The following MYOM1 variants were observed in gnomAD, a reference collection of about 807,000 sequenced individuals.
MYOM1 encodes myomesin-1.
A neutral mutation model predicts 205.3 loss-of-function variants in MYOM1; 164 were observed. That is an observed-to-expected ratio of 0.80 (90% CI 0.70 to 0.91). The LOEUF is 0.91. Ranked by LOEUF, MYOM1 falls within the 40% of genes least tolerant of loss-of-function variation. The pLI is 0.00. For missense variants in MYOM1, 2,011 were observed against 2,127.3 expected (o/e 0.95, Z 1.08); for synonymous variants, 772 against 789.4 (o/e 0.98, Z 0.37).
intron 3 of MYOM1, among the ~76,000 whole-genome samples, chr18:3,193,382 A>AC (rs2080947138): frequency 9.3e-6 from 1 of 107,224 alleles, no homozygotes; most frequent in Non-Finnish European, 2.4e-5. Flanking sequence ...ACACACACAC[A>AC]ATAATAAAAA....
rs775600000 is a variant in MYOM1 at position 3,100,141 on chromosome 18, T to C, written c.3727+18A>G. The stretch of plus-strand genomic sequence containing the variant: ...AGTAAGACTGCTAAAAACCTGTGAA[T>C]GTATTGTGGATACTTACTTGGGAAC... On this transcript the variant is annotated intron_variant, in intron 25 of 37. Transcript: ENST00000356443. The C allele has an allele frequency of 1.9e-6, 3 of 1,613,518 alleles. No individual in the cohort carries two copies. Among genetic ancestry groups the C allele is most frequent in the Non-Finnish European group, 1.7e-6 (2 of 1,179,776 alleles).
intron 9 of MYOM1, among the ~76,000 whole-genome samples, chr18:3,166,828 G>A (rs11661575): frequency 0.24 from 35,972 of 151,936 alleles, 4,694 homozygotes; most frequent in African/African-American, 0.35. Flanking sequence ...AAATTATATG[G>A]TAATCTTACT....
At chr18:3,201,180 C>G (rs1160176908) in intron 2 of MYOM1, among the ~76,000 whole-genome samples, 1 of 152,164 alleles carries the variant, frequency 6.6e-6, no homozygotes, top group Non-Finnish European at 1.5e-5. Context: ...GGGTGCATCA[C>G]TTGAGGTCAG....
chr18:3,228,603 T>A, the MYOM1 span, among the ~76,000 whole-genome samples: 4 of 152,146 alleles, frequency 2.6e-5, no homozygotes, highest in Non-Finnish European at 5.9e-5. The surrounding 1 kb of genome is among the most constrained non-coding windows in gnomAD (Gnocchi z 4.5). Context: ...TTTTAACAGT[T>A]TATAGCAATA....
rs184532387 is a variant in MYOM1, at chr18:3,090,940, G to C, written c.3865-138C>G. On this transcript the variant is annotated intron_variant, in intron 26 of 37. Transcript: ENST00000356443. ...TTCATGCCTGTAATCCCAGTACTTT[G>C]GGAGGTCGAGGTGGGAGGATTACTT... is the stretch of plus-strand genomic sequence containing the variant. 1.2e-5 allele frequency: 13 copies of C among 1,075,760 alleles called. No individual in the cohort carries two copies. The Admixed American group carries it at 2.9e-4, about 24-fold the overall frequency. The allele number at this position is 1,075,760 out of a possible 1,614,324, so 66.6% of individuals were successfully genotyped here. A position where few individuals can be genotyped will look rare whatever the true frequency, so the allele number is the denominator to read the frequency against.
chr18:3,135,687 A>G lies in MYOM1; in HGVS notation c.2069T>C (p.Leu690Pro), dbSNP rs533974334. 5.6e-6 allele frequency: 9 copies of G among 1,613,880 alleles called. No individual in the cohort carries two copies. The highest frequency in any genetic ancestry group is 1.1e-5 in the South Asian group (1 of 91,082). Residue 690 changes from leucine (L) to proline (P), a missense_variant, in exon 15 of 38, where the codon CTC (leucine) becomes CCC (proline). By Grantham distance (98) the Leu-to-Pro change is moderately conservative. Coordinates refer to ENST00000356443, the MANE Select transcript of MYOM1 (RefSeq NM_003803.4). The surrounding 1 kb of genome is among the most constrained non-coding windows in gnomAD (Gnocchi z 4.1). The part of the protein sequence containing the change: ...TENWQRVNTE[L>P]PVKSPRFALF... ...AGCAAAGCGGGGAGACTTCACAGGG[A>G]GCTCCGTGTTCACTCGCTGCCAGTT...
chr18:3,102,894 T>A (rs1449736531), intron 22 of MYOM1, among the ~76,000 whole-genome samples: 1 of 152,234 alleles, frequency 6.6e-6, no homozygotes, highest in Non-Finnish European at 1.5e-5. Context: ...GATGGTACAG[T>A]TATGGGAGTG....
the MYOM1 span, among the ~76,000 whole-genome samples, chr18:3,225,310 T>C: frequency 4.1e-4 from 63 of 152,324 alleles, no homozygotes; most frequent in African/African-American, 1.3e-3. Context: ...TATTCTTCAT[T>C]AGTCGCCCAT....
chr18:3,202,726 C>T (rs962187946), intron 2 of MYOM1, among the ~76,000 whole-genome samples: 4 of 152,012 alleles, frequency 2.6e-5, no homozygotes, highest in Non-Finnish European at 5.9e-5. Context: ...CTTCAATATT[C>T]CACTCTCAAT....
chr18:3,145,939 C>T (rs1216743443), intron 13 of MYOM1, among the ~76,000 whole-genome samples: 1 of 151,904 alleles, frequency 6.6e-6, no homozygotes, highest in East Asian at 1.9e-4. Context: ...GGTGACACCA[C>T]TACAGATTCT....
At chr18:3,197,592 G>A (rs1234012803) in intron 2 of MYOM1, among the ~76,000 whole-genome samples, 1 of 152,106 alleles carries the variant, frequency 6.6e-6, no homozygotes, top group Non-Finnish European at 1.5e-5. Flanking sequence ...GAAGTGTTAA[G>A]GCTGGGCGCG....
chr18:3,149,137 CT>C lies in MYOM1; in HGVS notation c.1900+7del, dbSNP rs762135367. 1 of 1,613,424 alleles carries C rather than the reference CT, an allele frequency of 6.2e-7. No individual in the cohort carries two copies. The highest frequency in any genetic ancestry group is 2.2e-5 in the East Asian group (1 of 44,876). The stretch of plus-strand genomic sequence containing the variant: ...AGCAATAGTATCTGGGGCAACCAGA[CT>C]TCTTACCTGAAGGTTCCTCTTCAGT... On this transcript the variant is annotated splice_region_variant and intron_variant, in intron 13 of 37. Transcript: ENST00000356443.
At chr18:3,108,884 C>T (rs1269630745) in intron 22 of MYOM1, among the ~76,000 whole-genome samples, 3 of 152,072 alleles carry the variant, frequency 2.0e-5, no homozygotes, top group Non-Finnish European at 1.5e-5. Context: ...GCTAACCCAC[C>T]AGGTAGTGCC....
intron 2 of MYOM1, among the ~76,000 whole-genome samples, chr18:3,205,983 C>A (rs2081119413): frequency 1.3e-5 from 2 of 151,976 alleles, no homozygotes; most frequent in Non-Finnish European, 2.9e-5. Context: ...AGTAAGGGAG[C>A]AAATATATTA....
intron 22 of MYOM1, among the ~76,000 whole-genome samples, chr18:3,108,145 C>G (rs1486186818): frequency 1.3e-5 from 2 of 152,190 alleles, no homozygotes; most frequent in Non-Finnish European, 2.9e-5. Flanking sequence ...CAAAGAACCT[C>G]TGAGCCTTCA....
At chr18:3,071,695 C>T (rs1046951611) in intron 37 of MYOM1, 139 bp downstream of exon 37, 5 of 817,792 alleles carry the variant, frequency 6.1e-6, no homozygotes, top group Non-Finnish European at 9.8e-6. Context: ...TTTGGTTACT[C>T]TGGTCAAGTA....
In MYOM1 at chr18:3,135,811, C is replaced by T; in HGVS notation, c.2026-81G>A. Reference sequence around the variant, plus strand: ...AGGCCAGGCAACTCCAAGTTTCATTCATCTGCAACAAACCACTCCCTGTAA... The same window carrying T: ...AGGCCAGGCAACTCCAAGTTTCATTTATCTGCAACAAACCACTCCCTGTAA... On this transcript the variant is annotated intron_variant, in intron 14 of 37. Coordinates refer to ENST00000356443, the MANE Select transcript of MYOM1 (RefSeq NM_003803.4). This position sits in a 1 kb window ranked among gnomAD's most constrained non-coding sequence, Gnocchi z 4.1. 2 of 1,486,988 alleles carry T rather than the reference C, an allele frequency of 1.3e-6. No individual in the cohort carries two copies. Among genetic ancestry groups the T allele is most frequent in the Admixed American group, 1.9e-5 (1 of 53,996 alleles). 92.1% of individuals were successfully genotyped at this position (1,486,988 alleles called of 1,614,324 possible).
the MYOM1 span, among the ~76,000 whole-genome samples, chr18:3,226,518 G>A: frequency 6.6e-6 from 1 of 152,050 alleles, no homozygotes; most frequent in Non-Finnish European, 1.5e-5. The surrounding 1 kb of genome is among the most constrained non-coding windows in gnomAD (Gnocchi z 4.6). Context: ...CCAGCACCCC[G>A]GTTCCCTCAC....
chr18:3,210,949 A>G (rs1315658819), intron 2 of MYOM1, among the ~76,000 whole-genome samples: 1 of 152,238 alleles, frequency 6.6e-6, no homozygotes, highest in Non-Finnish European at 1.5e-5. Context: ...TCAGTGGTAT[A>G]GAGAATGCAA....
Sources: gnomAD v4.1 joint callset for allele counts (sites outside exome capture counted in the v4.1 genomes callset) on GRCh38, gnomAD v4.1.1 for gene constraint, Gnocchi (gnomAD v3.1) non-coding constraint, MANE v1.5 for transcripts, NCBI Gene and HGNC (gene_info 2026-07-23, HGNC 2026-07-21) for gene names.